Variants in ANKS1B observed in about 807,000 individuals in gnomAD.
The protein encoded by ANKS1B is ankyrin repeat and sterile alpha motif domain containing 1B, also known as ankyrin repeat and sterile alpha motif domain-containing protein 1B.
Under a neutral mutation model 148.3 loss-of-function variants are expected in ANKS1B, and 36 were observed. The ratio of observed to expected loss-of-function variants is 0.24; its 90% CI spans 0.19 to 0.32. The LOEUF (loss-of-function observed/expected upper bound fraction) is 0.32, where lower values mean the gene tolerates loss of function less well. Ranked by LOEUF, ANKS1B falls within the 10% of genes least tolerant of loss-of-function variation. The probability of loss-of-function intolerance (pLI) is 1.00; values close to 1 mark genes in which losing one functional copy is unlikely to be tolerated. For synonymous variants in ANKS1B, 542 were observed against 560.8 expected (o/e 0.97, Z 0.47); for missense variants, 1,157 against 1,542.6 (o/e 0.75, Z 4.19).
At chr12:98,948,600 G>C (rs768283617) in intron 17 of ANKS1B, among the ~76,000 whole-genome samples, 3 of 152,142 alleles carry the variant, frequency 2.0e-5, no homozygotes, top group Non-Finnish European at 2.9e-5. Flanking sequence ...CTGCCAAACA[G>C]AGCTCAAGAT....
chr12:99,010,036 A>G (rs904770856), intron 17 of ANKS1B, among the ~76,000 whole-genome samples: 3 of 152,140 alleles, frequency 2.0e-5, no homozygotes, highest in Non-Finnish European at 4.4e-5. Flanking sequence ...AGGGAACCCA[A>G]GAGACGTGGG....
intron 1 of ANKS1B, among the ~76,000 whole-genome samples, chr12:99,898,261 A>G (rs2093459118): frequency 6.6e-6 from 1 of 152,130 alleles, no homozygotes; most frequent in African/African-American, 2.4e-5. Flanking sequence ...AAAGCCCTCA[A>G]TATTACTCAA....
intron 17 of ANKS1B, among the ~76,000 whole-genome samples, chr12:99,035,552 T>C (rs551645867): frequency 9.3e-4 from 142 of 152,348 alleles, no homozygotes; most frequent in Middle Eastern, 6.8e-3. Context: ...GTCTTCATCC[T>C]GAAGGCTCCC....
At chr12:99,555,698 T>C (rs2097268850) in intron 9 of ANKS1B, among the ~76,000 whole-genome samples, 1 of 152,214 alleles carries the variant, frequency 6.6e-6, no homozygotes, top group African/African-American at 2.4e-5. Flanking sequence ...GAGATGATCA[T>C]GTGGTTTTTG....
chr12:99,022,169 C>T (rs982493587), intron 17 of ANKS1B, among the ~76,000 whole-genome samples: 8 of 152,154 alleles, frequency 5.3e-5, no homozygotes, highest in Admixed American at 1.3e-4. Flanking sequence ...TGCCATGTGA[C>T]GGACTGAATT....
At chr12:99,667,396 G>A (rs2098514532) in intron 8 of ANKS1B, among the ~76,000 whole-genome samples, 4 of 139,380 alleles carry the variant, frequency 2.9e-5, no homozygotes, top group Admixed American at 7.2e-5. Context: ...TGAATTTTCA[G>A]TTACTGATAG....
At chr12:99,467,896 T>C (rs1291185065) in intron 10 of ANKS1B, among the ~76,000 whole-genome samples, 1 of 152,170 alleles carries the variant, frequency 6.6e-6, no homozygotes, top group African/African-American at 2.4e-5. Context: ...GCCATCCCCA[T>C]CAAGCTACCA....
intron 10 of ANKS1B, among the ~76,000 whole-genome samples, chr12:99,455,349 A>G (rs2095829770): frequency 6.6e-6 from 1 of 152,192 alleles, no homozygotes; most frequent in South Asian, 2.1e-4. Flanking sequence ...TGCCACTCAG[A>G]TGGACAGAGC....
chr12:99,465,917 T>C (rs2096100224), intron 10 of ANKS1B, among the ~76,000 whole-genome samples: 1 of 152,070 alleles, frequency 6.6e-6, no homozygotes, highest in Admixed American at 6.5e-5. Flanking sequence ...ACCCAGGAAT[T>C]GAACCCAGCT....
At position 99,984,095 on chromosome 12, in the gene ANKS1B, C is replaced by T; in HGVS notation, c.134+9G>A. ...GTGTGCCAACCCCGGAGCTGGTGCC[C>T]GTCCTTACCTTAGCAGATTAGACAG... On this transcript the variant is annotated intron_variant, in intron 1 of 26. Coordinates refer to ENST00000683438, the MANE Select transcript of ANKS1B (RefSeq NM_001352186.2). The T allele has an allele frequency of 6.2e-7, 1 of 1,608,224 alleles. No individual in the cohort carries two copies. Among genetic ancestry groups the T allele is most frequent in the Non-Finnish European group, 8.5e-7 (1 of 1,176,662 alleles).
chr12:98,778,599 G>C (rs2098703379), intron 24 of ANKS1B, among the ~76,000 whole-genome samples: 1 of 152,190 alleles, frequency 6.6e-6, no homozygotes, highest in South Asian at 2.1e-4. Flanking sequence ...CTAGAACAAA[G>C]TAGCATACAC....
intron 8 of ANKS1B, among the ~76,000 whole-genome samples, chr12:99,688,863 T>G (rs1040436129): frequency 4.7e-5 from 7 of 148,098 alleles, no homozygotes; most frequent in Admixed American, 2.0e-4. Context: ...AATAATTACA[T>G]GAGCAAGTGC....
At chr12:99,067,138 AACATTTTTGG>A (rs1196109900) in intron 16 of ANKS1B, among the ~76,000 whole-genome samples, 1 of 152,230 alleles carries the variant, frequency 6.6e-6, no homozygotes, top group Non-Finnish European at 1.5e-5. Context: ...TGTATCATGA[AACATTTTTGG>A]ACATTGAGAA....
At chr12:99,728,114 A>G (rs2058788917) in intron 8 of ANKS1B, among the ~76,000 whole-genome samples, 1 of 152,180 alleles carries the variant, frequency 6.6e-6, no homozygotes, top group South Asian at 2.1e-4. Flanking sequence ...AATTCCAACA[A>G]AAGCCAAAAT....
At chr12:99,699,218 T>C (rs185135073) in intron 8 of ANKS1B, among the ~76,000 whole-genome samples, 1 of 152,286 alleles carries the variant, frequency 6.6e-6, no homozygotes, top group African/African-American at 2.4e-5. Context: ...GCACACACAC[T>C]GCTGAAATTC....
intron 1 of ANKS1B, among the ~76,000 whole-genome samples, chr12:99,883,019 A>T (rs59056958): frequency 0.018 from 2,788 of 152,316 alleles, 84 homozygotes; most frequent in African/African-American, 0.063. Context: ...ACTAAAAGAA[A>T]GTTCTTCAGC....
intron 17 of ANKS1B, among the ~76,000 whole-genome samples, chr12:98,877,839 T>C (rs2099695308): frequency 6.6e-6 from 1 of 152,236 alleles, no homozygotes; most frequent in Non-Finnish European, 1.5e-5. Flanking sequence ...TATGTAGCCA[T>C]TTAATCACAA....
chr12:99,464,008 T>G (rs931520855), intron 10 of ANKS1B, among the ~76,000 whole-genome samples: 1 of 152,166 alleles, frequency 6.6e-6, no homozygotes, highest in East Asian at 1.9e-4. Flanking sequence ...CCCTGACCCC[T>G]GACCCCCAAG....
intron 11 of ANKS1B, among the ~76,000 whole-genome samples, chr12:99,411,524 G>T: frequency 6.6e-6 from 1 of 152,064 alleles, no homozygotes; most frequent in East Asian, 1.9e-4. Flanking sequence ...ATGAGTGCAG[G>T]TGTTTTTTGG....
Sources: gnomAD v4.1 joint callset for allele counts (sites outside exome capture counted in the v4.1 genomes callset) on GRCh38, gnomAD v4.1.1 for gene constraint, MANE v1.5 for transcripts, NCBI Gene and HGNC (gene_info 2026-07-23, HGNC 2026-07-21) for gene names.